The following AHCYL1 variants were observed in gnomAD, a reference collection of about 807,000 sequenced individuals.
The protein encoded by AHCYL1 is S-adenosylhomocysteine hydrolase-like protein 1.
A neutral mutation model predicts 79.3 loss-of-function variants in AHCYL1; 20 were observed. That is an observed-to-expected ratio of 0.25 (90% CI 0.18 to 0.37). The LOEUF (loss-of-function observed/expected upper bound fraction) is 0.37. AHCYL1 is among the 10% of genes least tolerant of loss of function. The pLI is 1.00. For missense variants in AHCYL1, 330 were observed against 673.6 expected, an observed-to-expected ratio of 0.49 and a Z score of 5.65; for synonymous variants, 223 against 242.2, an observed-to-expected ratio of 0.92 and a Z score of 0.74.
chr1:110,001,350 C>T (rs1041118066), intron 1 of AHCYL1, among the ~76,000 whole-genome samples: 4 of 152,098 alleles, frequency 2.6e-5, no homozygotes, highest in African/African-American at 9.7e-5. Context: ...CCATGCCCGG[C>T]TAATTTTTGT....
chr1:109,985,217 G>C, intron 1 of AHCYL1, 45 bp downstream of exon 1: 1 of 1,579,938 alleles, frequency 6.3e-7, no homozygotes, highest in South Asian at 1.2e-5. Context: ...CTCCGGCCTC[G>C]CGGAAGGGAC....
intron 7 of AHCYL1, 133 bp from the exon 8 acceptor site, chr1:110,016,211 A>G (rs968069276): frequency 6.5e-6 from 4 of 612,282 alleles, no homozygotes; most frequent in Non-Finnish European, 8.7e-6. Context: ...ATGTTTTCTA[A>G]TATCCTTGGG....
chr1:110,007,292 C>G (rs1650715694), intron 1 of AHCYL1, among the ~76,000 whole-genome samples: 1 of 152,048 alleles, frequency 6.6e-6, no homozygotes, highest in African/African-American at 2.4e-5. Flanking sequence ...ATGCCAGCAG[C>G]AGGGAGGCTG....
intron 1 of AHCYL1, among the ~76,000 whole-genome samples, chr1:109,994,045 G>A (rs1225410020): frequency 6.6e-6 from 1 of 152,216 alleles, no homozygotes; most frequent in East Asian, 1.9e-4. Context: ...CTGAGTCAAA[G>A]GCTGAGTTTG....
chr1:110,012,848 C>G (rs1651131415), intron 4 of AHCYL1, 49 bp from the exon 5 acceptor site: 1 of 1,459,666 alleles, frequency 6.9e-7, no homozygotes, highest in Admixed American at 1.9e-5. Flanking sequence ...CTCTCCATTC[C>G]TGGGTGGCCC....
intron 9 of AHCYL1, 152 bp downstream of exon 9, chr1:110,016,882 C>CATAAAAA: frequency 1.2e-6 from 1 of 847,656 alleles, no homozygotes; most frequent in Non-Finnish European, 1.8e-6. Context: ...GCCTTTTATT[C>CATAAAAA]AGATTTATGA....
At chr1:109,985,350 A>AAGT in intron 1 of AHCYL1, 178 bp downstream of exon 1, 1 of 1,323,034 alleles carries the variant, frequency 7.6e-7, no homozygotes, top group Non-Finnish European at 9.7e-7. Flanking sequence ...GCCGCCTCTG[A>AAGT]CCTCGCTTTC....
At chr1:109,996,473 G>T (rs115785574) in intron 1 of AHCYL1, among the ~76,000 whole-genome samples, 2 of 152,196 alleles carry the variant, frequency 1.3e-5, no homozygotes, top group Non-Finnish European at 2.9e-5. Context: ...TGACATTCTT[G>T]TGAGGTTATT....
Position 110,009,072 on chromosome 1 carries a change from A to C in AHCYL1, c.159A>C (p.Lys53Asn). The change falls in exon 2 of 17, where the codon AAA becomes AAC. Residue 53 changes from lysine to asparagine, a missense_variant. Physicochemically the swap from Lys to Asn is moderately conservative, Grantham distance 94. This residue lies in a region of AHCYL1 where 97 missense variants were observed against 176.3 expected (regional missense o/e 0.55). Transcript: ENST00000369799. ...QFADDMQEFT[K>N]FPTKTGRRSL... The stretch of plus-strand genomic sequence containing the variant: ...CTGATGACATGCAGGAGTTCACCAA[A>C]TTCCCCACCAAAACTGGCCGAAGAT... 6.2e-7 allele frequency: 1 copy of C among 1,613,994 alleles called. No individual in the cohort carries two copies. The highest frequency in any genetic ancestry group is 8.5e-7 in the Non-Finnish European group (1 of 1,179,910).
In AHCYL1 at chr1:110,018,356, C is replaced by T. The variant is rs375868507; in HGVS notation, c.1124-17C>T. The T allele has an allele frequency of 1.6e-5, 26 of 1,612,720 alleles. No individual in the cohort carries two copies. The African/African-American group carries it at 3.2e-4, about 20-fold the overall frequency. On this transcript the variant is annotated splice_polypyrimidine_tract_variant and intron_variant, in intron 11 of 16. Transcript: ENST00000369799. ...TGCCCGGCATCTCTTTCCTTAACCACCCATCTTTTCTTTTAGGAAATAAGA... is the reference window on the plus strand; with the variant it reads ...TGCCCGGCATCTCTTTCCTTAACCATCCATCTTTTCTTTTAGGAAATAAGA...
rs1650773121 is a variant in AHCYL1, at chr1:110,008,024, T to G, written c.121-1010T>G. Among the ~76,000 whole-genome samples the G allele has an allele frequency of 3.9e-3, 18 of 4,654 alleles. No individual in the cohort carries two copies. In the South Asian group the frequency reaches 0.075, roughly 19 times the overall value. 3.1% of individuals were successfully genotyped at this position (4,654 alleles called of 152,430 possible). On this transcript the variant is annotated intron_variant, in intron 1 of 16. Transcript: ENST00000369799. The stretch of plus-strand genomic sequence containing the variant: ...ATTTAAGGAAGTTTTTTTTTTGGGT[T>G]TTTTTTTTTTTTTTTTGAGACAGAG...
intron 1 of AHCYL1, among the ~76,000 whole-genome samples, chr1:110,003,651 G>C (rs1230046475): frequency 6.6e-6 from 1 of 151,600 alleles, no homozygotes; most frequent in Non-Finnish European, 1.5e-5. Context: ...GGGAGAAACA[G>C]AGATGACTGG....
chr1:110,020,570 T>G (rs776854423), intron 15 of AHCYL1, among the ~76,000 whole-genome samples, 161 bp from the exon 16 acceptor site: 97 of 146,156 alleles, frequency 6.6e-4, no homozygotes, highest in Non-Finnish European at 1.2e-3. Flanking sequence ...AGCTTTGAGG[T>G]TTTTTTTTTA....
intron 11 of AHCYL1, 75 bp downstream of exon 11, chr1:110,018,091 G>A: frequency 6.8e-7 from 1 of 1,468,250 alleles, no homozygotes; most frequent in Non-Finnish European, 9.5e-7. Context: ...TTCATACAAA[G>A]GAGGTGAGAC....
In AHCYL1 at chr1:110,009,151, T is replaced by C. The variant is rs367664730; in HGVS notation, c.232+6T>C. 6.4e-5 allele frequency: 103 copies of C among 1,606,796 alleles called. No homozygotes were observed. In the African/African-American group the frequency reaches 1.3e-3, roughly 20 times the overall value. ...CACTGACAGCTACAGTTCAGGTAGG[T>C]GTGAATGAACTCCATGTCCTCTCTA... On this transcript the variant is annotated splice_donor_region_variant and intron_variant, in intron 2 of 16. Transcript: ENST00000369799.
intron 13 of AHCYL1, 107 bp downstream of exon 13, chr1:110,018,757 A>G (rs1380318786): frequency 9.1e-7 from 1 of 1,099,174 alleles, no homozygotes; most frequent in Non-Finnish European, 1.3e-6. Flanking sequence ...CCTGAATTTT[A>G]TCTTTGGAGA....
At chr1:110,005,588 C>T (rs187362604) in intron 1 of AHCYL1, among the ~76,000 whole-genome samples, 1 of 152,276 alleles carries the variant, frequency 6.6e-6, no homozygotes, top group East Asian at 1.9e-4. Flanking sequence ...TTATCCTGAT[C>T]ACCATTTCTT....
intron 1 of AHCYL1, among the ~76,000 whole-genome samples, chr1:109,988,378 A>G (rs1435625066): frequency 6.6e-6 from 1 of 152,242 alleles, no homozygotes; most frequent in Non-Finnish European, 1.5e-5. Flanking sequence ...TTTAAGAGTT[A>G]AGTGTACCAC....
intron 1 of AHCYL1, among the ~76,000 whole-genome samples, chr1:110,005,495 A>G (rs1340147331): frequency 6.6e-6 from 1 of 152,240 alleles, no homozygotes; most frequent in African/African-American, 2.4e-5. Context: ...GTTTCCTTGC[A>G]TAGAACTTTC....
Sources: gnomAD v4.1 joint callset for allele counts (sites outside exome capture counted in the v4.1 genomes callset) on GRCh38, gnomAD v4.1.1 for gene constraint, gnomAD v4.1.1 regional missense constraint, MANE v1.5 for transcripts, NCBI Gene and HGNC (gene_info 2026-07-23, HGNC 2026-07-21) for gene names.